DCAF12: variants seen among roughly 807,000 people sequenced by gnomAD.
DCAF12 encodes DDB1- and CUL4-associated factor 12.
In DCAF12, 28 loss-of-function variants were observed where a neutral mutation model predicts 52.8. The observed-to-expected ratio is 0.53, with a 90% CI of 0.39 to 0.73. The LOEUF is 0.73. Among genes scored for constraint, DCAF12 ranks in the 30% least tolerant of loss-of-function variants. The pLI is 0.00. For synonymous variants in DCAF12, 196 were observed against 215.5 expected, an observed-to-expected ratio of 0.91 and a Z score of 0.79; for missense variants, 425 against 552.2, an observed-to-expected ratio of 0.77 and a Z score of 2.31.
chr9:34,103,131 G>A (rs1828856550), intron 4 of DCAF12, among the ~76,000 whole-genome samples: 1 of 149,068 alleles, frequency 6.7e-6, no homozygotes, highest in Non-Finnish European at 1.5e-5. Flanking sequence ...AGAAACAACA[G>A]CTGGGCGCAG....
At chr9:34,115,617 T>C (rs1303847260) in intron 2 of DCAF12, among the ~76,000 whole-genome samples, 1 of 149,912 alleles carries the variant, frequency 6.7e-6, no homozygotes, top group Non-Finnish European at 1.5e-5. Flanking sequence ...AAAGTATATA[T>C]ATACACATAG....
intron 6 of DCAF12, chr9:34,093,900 G>C (rs994999840): frequency 5.7e-6 from 1 of 175,880 alleles, no homozygotes; most frequent in Admixed American, 5.5e-5. Context: ...GGAATTGTAC[G>C]CTATAGAAAG....
rs1210002215 is a variant in DCAF12, at chr9:34,126,484, G to A, written c.-53C>T. The A allele has an allele frequency of 1.1e-5, 17 of 1,577,654 alleles. No homozygotes were observed. The Admixed American group carries it at 2.7e-4, about 25-fold the overall frequency. On this transcript the variant is annotated 5_prime_UTR_variant, in exon 1 of 9. Transcript: ENST00000361264. Reference sequence around the variant, plus strand: ...GCCACATGGGGCGGGGGAAGCGAAGGATAGCAGGACGGCGGGTCATATACT... The same window carrying A: ...GCCACATGGGGCGGGGGAAGCGAAGAATAGCAGGACGGCGGGTCATATACT...
chr9:34,110,818 T>C (rs913526939), intron 2 of DCAF12, among the ~76,000 whole-genome samples: 23 of 132,338 alleles, frequency 1.7e-4, no homozygotes, highest in African/African-American at 6.2e-4. Context: ...AAACCAAGAG[T>C]CTCCTCAGTC....
intron 5 of DCAF12, among the ~76,000 whole-genome samples, chr9:34,097,995 A>T (rs1828763952): frequency 6.6e-6 from 1 of 152,162 alleles, no homozygotes; most frequent in Non-Finnish European, 1.5e-5. Flanking sequence ...TGTTTTCAGA[A>T]GCAAGTATGA....
intron 2 of DCAF12, among the ~76,000 whole-genome samples, chr9:34,116,546 G>A (rs1829090569): frequency 1.3e-5 from 2 of 152,106 alleles, no homozygotes; most frequent in East Asian, 1.9e-4. Context: ...ATAGTAGTGC[G>A]TACCTGTAGT....
rs747611926 is a variant in DCAF12 at position 34,089,451 on chromosome 9, T to C, written c.1164A>G (p.Ala388=). Residue 388 remains alanine (A), a synonymous_variant, in exon 8 of 9, where the codon GCA becomes GCG. Transcript: ENST00000361264. ...CAGTGGTTAGTTTCAGATTCTCCCC[T>C]GCTAGTCTGGGCTTGGACCCATAAC... ...SACYGSKPRL[A]GENLKLTTGK... 1 of 1,614,112 alleles carries C rather than the reference T, an allele frequency of 6.2e-7. No individual in the cohort carries two copies. The highest frequency in any genetic ancestry group is 1.7e-5 in the Admixed American group (1 of 60,002).
At chr9:34,121,885 G>A (rs770639188) in intron 2 of DCAF12, among the ~76,000 whole-genome samples, 52 of 152,318 alleles carry the variant, frequency 3.4e-4, no homozygotes, top group South Asian at 1.9e-3. Flanking sequence ...AGAGGTTGCA[G>A]TGAGCTGAGA....
At chr9:34,115,548 G>A (rs868618005) in intron 2 of DCAF12, among the ~76,000 whole-genome samples, 22 of 147,158 alleles carry the variant, frequency 1.5e-4, no homozygotes, top group African/African-American at 5.0e-4. Context: ...GCAGTGAGCC[G>A]AGATAGCGCC....
chr9:34,122,392 G>A (rs1279485756), intron 2 of DCAF12, among the ~76,000 whole-genome samples: 1 of 151,596 alleles, frequency 6.6e-6, no homozygotes, highest in Non-Finnish European at 1.5e-5. Flanking sequence ...ACTAATTGAT[G>A]AAAAGGACAA....
At chr9:34,105,003 G>A (rs1828882367) in intron 4 of DCAF12, among the ~76,000 whole-genome samples, 1 of 151,074 alleles carries the variant, frequency 6.6e-6, no homozygotes, top group South Asian at 2.1e-4. Flanking sequence ...AAAAATATGG[G>A]CCAATTTTGG....
intron 2 of DCAF12, among the ~76,000 whole-genome samples, chr9:34,119,561 G>A (rs1829140072): frequency 6.6e-6 from 1 of 152,126 alleles, no homozygotes; most frequent in Non-Finnish European, 1.5e-5. Flanking sequence ...TCGATTGTTA[G>A]TATTTAGATT....
intron 7 of DCAF12, among the ~76,000 whole-genome samples, chr9:34,090,968 C>T (rs1005561329): frequency 2.0e-5 from 3 of 151,986 alleles, no homozygotes; most frequent in Non-Finnish European, 4.4e-5. Flanking sequence ...CTATTTATTC[C>T]TTTCTCTACT....
intron 2 of DCAF12, among the ~76,000 whole-genome samples, chr9:34,110,452 G>A (rs1245862391): frequency 6.6e-6 from 1 of 152,036 alleles, no homozygotes; most frequent in African/African-American, 2.4e-5. Context: ...TAGTCTTTGT[G>A]CCTTCAGGCA....
rs767663746 is a variant in DCAF12 at position 34,098,437 on chromosome 9, G to T, written c.682C>A (p.Arg228=). 6.2e-7 allele frequency: 1 copy of T among 1,614,148 alleles called. No individual in the cohort carries two copies. Among genetic ancestry groups the T allele is most frequent in the Admixed American group, 1.7e-5 (1 of 60,016 alleles). The change falls in exon 5 of 9, where the codon CGG becomes AGG. Residue 228 remains arginine (R), a synonymous_variant. Transcript: ENST00000361264. ...TKSDARHNVS[R]VPVYAHITHK... Reference sequence around the variant, plus strand: ...GTGATGTGTGCATACACAGGGACCCGTGACACATTGTGTCTCGCATCACTT... The same window carrying T: ...GTGATGTGTGCATACACAGGGACCCTTGACACATTGTGTCTCGCATCACTT...
intron 7 of DCAF12, among the ~76,000 whole-genome samples, chr9:34,091,513 A>G (rs988851816): frequency 6.0e-5 from 9 of 151,216 alleles, no homozygotes; most frequent in Admixed American, 1.3e-4. Flanking sequence ...GCGGACGCTT[A>G]TAGTCCCAGC....
At chr9:34,117,561 T>C (rs1180388616) in intron 2 of DCAF12, among the ~76,000 whole-genome samples, 2 of 152,278 alleles carry the variant, frequency 1.3e-5, no homozygotes, top group East Asian at 1.9e-4. Context: ...CACATAAACT[T>C]TGACAACATA....
At chr9:34,126,292 G>T in intron 1 of DCAF12, 62 bp downstream of exon 1, 1 of 1,588,092 alleles carries the variant, frequency 6.3e-7, no homozygotes. Flanking sequence ...AGGATCTGCG[G>T]ACCCTAAGCC....
intron 7 of DCAF12, among the ~76,000 whole-genome samples, chr9:34,092,599 T>A (rs1828661786): frequency 1.3e-5 from 2 of 150,762 alleles, no homozygotes; most frequent in Non-Finnish European, 2.9e-5. Flanking sequence ...GGCAGGAGAA[T>A]CACTTGAACT....
Sources: gnomAD v4.1 joint callset for allele counts (sites outside exome capture counted in the v4.1 genomes callset) on GRCh38, gnomAD v4.1.1 for gene constraint, MANE v1.5 for transcripts, NCBI Gene and HGNC (gene_info 2026-07-23, HGNC 2026-07-21) for gene names.